Variants in SPOCK3 observed in about 807,000 individuals in gnomAD.
SPOCK3 encodes testican-3.
Under a neutral mutation model 56.6 loss-of-function variants are expected in SPOCK3, and 30 were observed. That is an observed-to-expected ratio of 0.53 (90% CI 0.40 to 0.72). SPOCK3 has a LOEUF of 0.72. Among genes scored for constraint, SPOCK3 ranks in the 30% least tolerant of loss-of-function variants. SPOCK3 has a pLI of 0.00. For synonymous variants in SPOCK3, 196 were observed against 183.3 expected, an observed-to-expected ratio of 1.07 and a Z score of -0.56; for missense variants, 527 against 530.0, an observed-to-expected ratio of 0.99 and a Z score of 0.06.
At chr4:166,998,751 C>A (rs1184131809) in intron 4 of SPOCK3, among the ~76,000 whole-genome samples, 3 of 152,152 alleles carry the variant, frequency 2.0e-5, no homozygotes, top group African/African-American at 7.2e-5. Context: ...CCCAGGGTCT[C>A]TAGAACTTGT....
intron 4 of SPOCK3, among the ~76,000 whole-genome samples, chr4:166,937,865 G>A (rs1003850612): frequency 2.0e-5 from 3 of 148,734 alleles, no homozygotes; most frequent in African/African-American, 7.4e-5. Flanking sequence ...CCGGGTTCAC[G>A]CCATTCTCCT....
At chr4:167,052,004 T>C (rs1047747986) in intron 3 of SPOCK3, among the ~76,000 whole-genome samples, 1 of 152,234 alleles carries the variant, frequency 6.6e-6, no homozygotes, top group East Asian at 1.9e-4. Context: ...TGCACACCTA[T>C]GTAGGCTAAT....
At chr4:167,106,975 CA>C (rs1475815351) in intron 2 of SPOCK3, among the ~76,000 whole-genome samples, 1 of 151,766 alleles carries the variant, frequency 6.6e-6, no homozygotes, top group East Asian at 1.9e-4. Context: ...AAATCCTGAA[CA>C]GACCAATAAC....
intron 3 of SPOCK3, among the ~76,000 whole-genome samples, chr4:167,033,172 C>T (rs993659084): frequency 3.3e-5 from 5 of 151,554 alleles, no homozygotes; most frequent in East Asian, 1.9e-4. Context: ...TCACCAGTGC[C>T]GAGCATTATT....
chr4:166,871,371 G>A (rs767686816), intron 6 of SPOCK3, among the ~76,000 whole-genome samples: 23 of 151,986 alleles, frequency 1.5e-4, no homozygotes, highest in Non-Finnish European at 2.9e-4. Flanking sequence ...AGACCAAAGG[G>A]TCGTCACTAC....
intron 6 of SPOCK3, among the ~76,000 whole-genome samples, chr4:166,879,882 G>C (rs375649940): frequency 6.6e-6 from 1 of 152,040 alleles, no homozygotes; most frequent in Non-Finnish European, 1.5e-5. Context: ...TTGTTTAAAA[G>C]TGTGTACCAT....
At chr4:167,050,980 G>A (rs1450188907) in intron 3 of SPOCK3, among the ~76,000 whole-genome samples, 1 of 152,166 alleles carries the variant, frequency 6.6e-6, no homozygotes, top group Non-Finnish European at 1.5e-5. Context: ...ATGGGAAGAT[G>A]AAAAGAGTCC....
intron 3 of SPOCK3, among the ~76,000 whole-genome samples, chr4:167,026,722 A>G (rs1751726078): frequency 6.6e-6 from 1 of 151,988 alleles, no homozygotes; most frequent in South Asian, 2.1e-4. Flanking sequence ...TTACATCTAG[A>G]TATTGTATGC....
At chr4:167,006,367 A>C (rs988285505) in intron 3 of SPOCK3, among the ~76,000 whole-genome samples, 2 of 152,248 alleles carry the variant, frequency 1.3e-5, no homozygotes, top group African/African-American at 4.8e-5. Context: ...GCTGACCTTT[A>C]TATTCTCTAT....
At chr4:167,022,532 C>G (rs192055807) in intron 3 of SPOCK3, among the ~76,000 whole-genome samples, 4 of 152,004 alleles carry the variant, frequency 2.6e-5, no homozygotes, top group African/African-American at 9.7e-5. Context: ...CTGAGCCATA[C>G]TGTTGTACCA....
At chr4:166,889,079 T>A (rs760038410) in intron 6 of SPOCK3, 51 bp downstream of exon 6, 1 of 1,148,668 alleles carries the variant, frequency 8.7e-7, no homozygotes, top group African/African-American at 1.5e-5. Flanking sequence ...TGCAAAACAT[T>A]TTAGTAGAGA....
chr4:167,011,173 T>C (rs550987198), intron 3 of SPOCK3: 1 of 424,526 alleles, frequency 2.4e-6, no homozygotes, highest in African/African-American at 2.0e-5. Context: ...ACCTAAAATA[T>C]AATACAAATT....
At chr4:167,031,191 T>C (rs1297208794) in intron 3 of SPOCK3, among the ~76,000 whole-genome samples, 1 of 152,020 alleles carries the variant, frequency 6.6e-6, no homozygotes, top group African/African-American at 2.4e-5. Context: ...ATTTATTGAG[T>C]CTTACTGTGC....
Position 166,842,657 on chromosome 4 carries a change from T to C in SPOCK3, c.589+46473A>G, listed in dbSNP as rs546700437. 9.8e-5 allele frequency among the ~76,000 whole-genome samples: 15 copies of C among 152,310 alleles called. No individual in the cohort carries two copies. The East Asian group carries it at 2.3e-3, about 24-fold the overall frequency. On this transcript the variant is annotated intron_variant, in intron 6 of 10. Coordinates refer to ENST00000357545, the MANE Select transcript of SPOCK3 (RefSeq NM_001040159.2). ...AGAGTAGCTAGTTACAGAGTGCTGA[T>C]TGGCACATCCACCAACCCTGAGCTA...
chr4:167,222,228 A>G (rs1016047486), intron 2 of SPOCK3, among the ~76,000 whole-genome samples: 3 of 152,042 alleles, frequency 2.0e-5, no homozygotes, highest in Non-Finnish European at 2.9e-5. Flanking sequence ...TGTTCCACCT[A>G]TATATCTAAA....
At chr4:166,945,877 C>G (rs563117816) in intron 4 of SPOCK3, among the ~76,000 whole-genome samples, 1 of 152,274 alleles carries the variant, frequency 6.6e-6, no homozygotes, top group East Asian at 1.9e-4. Context: ...CACACCTTCT[C>G]CACCTGAGGT....
At chr4:167,190,731 G>T (rs1180654078) in intron 2 of SPOCK3, among the ~76,000 whole-genome samples, 1 of 145,482 alleles carries the variant, frequency 6.9e-6, no homozygotes, top group East Asian at 2.1e-4. Flanking sequence ...TTTTCTAGGG[G>T]TTTGACTGTT....
At chr4:166,917,450 C>A (rs917350686) in intron 4 of SPOCK3, among the ~76,000 whole-genome samples, 2 of 152,098 alleles carry the variant, frequency 1.3e-5, no homozygotes, top group African/African-American at 4.8e-5. Flanking sequence ...ACGTAAAAAA[C>A]CTAAGCTGGC....
intron 7 of SPOCK3, among the ~76,000 whole-genome samples, chr4:166,771,177 AC>A: frequency 6.6e-6 from 1 of 151,566 alleles, no homozygotes; most frequent in Non-Finnish European, 1.5e-5. Context: ...AAAATTTTTC[AC>A]CAAATTTATT....
Sources: allele counts gnomAD v4.1 joint callset (sites outside exome capture counted in the v4.1 genomes callset), GRCh38; gene constraint gnomAD v4.1.1; transcripts MANE v1.5; gene names NCBI Gene and HGNC (gene_info 2026-07-23, HGNC 2026-07-21).